Variants in AFF2 observed in about 807,000 individuals in gnomAD.
AFF2 encodes ALF transcription elongation factor 2.
A neutral mutation model predicts 76.9 loss-of-function variants in AFF2; 14 were observed. The observed-to-expected ratio is 0.18, with a 90% CI of 0.12 to 0.28. The LOEUF is 0.28. Ranked by LOEUF, AFF2 falls within the 10% of genes least tolerant of loss-of-function variation. The probability of loss-of-function intolerance (pLI) is 1.00; values close to 1 mark genes in which losing one functional copy is unlikely to be tolerated. For synonymous variants in AFF2, 398 were observed against 366.7 expected (o/e 1.09, Z -0.98); for missense variants, 868 against 1,001.1 (o/e 0.87, Z 1.79).
rs1557293573 is a variant in AFF2 at position 148,997,843 on chromosome X, T to C, written c.*6511T>C. On this transcript the variant is annotated 3_prime_UTR_variant, in exon 21 of 21. Transcript: ENST00000370460. The stretch of plus-strand genomic sequence containing the variant: ...ATTCAAAACCATCCTCACTAATCAA[T>C]CATATTCACCCATAAATATTACAAA... 1 of 112,222 alleles carries C rather than the reference T, an allele frequency of 8.9e-6. No homozygotes were observed. Among genetic ancestry groups the C allele is most frequent in the Non-Finnish European group, 1.9e-5 (1 of 53,252 alleles). The allele number at this position is 112,222 out of a possible 1,213,427, so 9.2% of individuals were successfully genotyped here. A position where few individuals can be genotyped will look rare whatever the true frequency, so the allele number is the denominator to read the frequency against.
At chrX:148,681,850 G>T (rs2054554786) in intron 3 of AFF2, among the ~76,000 whole-genome samples, 1 of 110,910 alleles carries the variant, frequency 9.0e-6, no homozygotes, top group Admixed American at 9.6e-5. Flanking sequence ...CCATCTTCAT[G>T]TATTTCCCCA....
At chrX:148,956,879 T>A (rs1394352180) in intron 11 of AFF2, among the ~76,000 whole-genome samples, 1 of 113,112 alleles carries the variant, frequency 8.8e-6, no homozygotes, top group Non-Finnish European at 1.9e-5. Flanking sequence ...GAAAGTCTCC[T>A]TACTTAGGCA....
chrX:148,849,663 C>T (rs1557275135), intron 7 of AFF2, among the ~76,000 whole-genome samples: 1 of 111,315 alleles, frequency 9.0e-6, no homozygotes. Flanking sequence ...AGGCACTTCC[C>T]ATGCACTTTT....
At chrX:148,510,850 G>A (rs2052474962) in intron 1 of AFF2, among the ~76,000 whole-genome samples, 1 of 111,789 alleles carries the variant, frequency 8.9e-6, no homozygotes, top group Non-Finnish European at 1.9e-5. Flanking sequence ...ATAGGTAGAT[G>A]GAATGATAGA....
chrX:148,854,469 G>C (rs1272386706), intron 7 of AFF2, among the ~76,000 whole-genome samples: 1 of 111,379 alleles, frequency 9.0e-6, no homozygotes, highest in Non-Finnish European at 1.9e-5. Flanking sequence ...AAGATGTAAC[G>C]ATACTAAGAG....
chrX:148,718,744 C>A (rs2055056029), intron 3 of AFF2, among the ~76,000 whole-genome samples: 1 of 110,681 alleles, frequency 9.0e-6, no homozygotes, highest in Non-Finnish European at 1.9e-5. Flanking sequence ...TCTCTGAGCC[C>A]CTTGAGAAAA....
At chrX:148,760,332 G>GT (rs1261169904) in intron 3 of AFF2, among the ~76,000 whole-genome samples, 1 of 112,015 alleles carries the variant, frequency 8.9e-6, no homozygotes, top group Non-Finnish European at 1.9e-5. Flanking sequence ...AAGCCAGACT[G>GT]GAGTTTTCTA....
intron 7 of AFF2, among the ~76,000 whole-genome samples, chrX:148,884,869 A>G: frequency 8.9e-6 from 1 of 111,928 alleles, no homozygotes; most frequent in African/African-American, 3.2e-5. Flanking sequence ...ACAAAGGATA[A>G]ATAGGATTTC....
At chrX:148,572,306 T>G (rs2053238565) in intron 1 of AFF2, among the ~76,000 whole-genome samples, 1 of 112,083 alleles carries the variant, frequency 8.9e-6, no homozygotes, top group East Asian at 2.8e-4. Flanking sequence ...CTTGTGGAAA[T>G]GTATTAAATA....
intron 1 of AFF2, among the ~76,000 whole-genome samples, chrX:148,600,991 T>A (rs1344968504): frequency 8.9e-6 from 1 of 111,903 alleles, no homozygotes; most frequent in Non-Finnish European, 1.9e-5. Context: ...AGTTGGAGAG[T>A]GGCATGAAAT....
At chrX:148,722,473 A>C (rs2055106475) in intron 3 of AFF2, among the ~76,000 whole-genome samples, 1 of 109,107 alleles carries the variant, frequency 9.2e-6, no homozygotes, top group African/African-American at 3.3e-5. Context: ...GTAATTTCCT[A>C]CCTCTTCTCA....
chrX:148,822,761 T>C lies in AFF2; in HGVS notation c.1086+12841T>C, dbSNP rs145317839. 3.2e-3 allele frequency among the ~76,000 whole-genome samples: 351 copies of C among 108,187 alleles called. 3 individuals are homozygous for C. The highest frequency in any genetic ancestry group is 0.011 in the African/African-American group (330 of 29,538). The allele number at this position is 108,187 out of a possible 115,157, so 93.9% of individuals were successfully genotyped here. ...TGTGGCTGATAGCCTGTAAGTTGCT[T>C]CCATTAAACACTCCATTCCCCAAAG... On this transcript the variant is annotated intron_variant, in intron 4 of 20. Coordinates refer to ENST00000370460, the MANE Select transcript of AFF2 (RefSeq NM_002025.4).
At chrX:148,733,507 C>T (rs782531621) in intron 3 of AFF2, among the ~76,000 whole-genome samples, 33 of 110,803 alleles carry the variant, frequency 3.0e-4, no homozygotes, top group South Asian at 1.9e-3. Context: ...GTTGGAACTC[C>T]GTAGGCTTGC....
At position 148,618,882 on chromosome X, in the gene AFF2, C is replaced by T. The variant is rs1471100273; in HGVS notation, c.48-33117C>T. On this transcript the variant is annotated intron_variant, in intron 1 of 20. Transcript: ENST00000370460. ...TTGGTACTGAAAGAGTATTATGTTG[C>T]ACCTTTTGTCTTGCTCATGACCCTA... Among the ~76,000 whole-genome samples the T allele has an allele frequency of 5.4e-5, 6 of 110,792 alleles. No homozygotes were observed. The South Asian group carries it at 1.1e-3, about 21-fold the overall frequency.
Position 148,978,409 on chromosome X carries a change from A to G in AFF2, c.3524A>G (p.Lys1175Arg). ...LLYLRMFKLK[K>R]DHAMKYSRSL... ...TATTTGAGAATGTTTAAGCTGAAGA[A>G]GGACCATGCTATGAAGTACTCCAGA... The change falls in exon 18 of 21, where the codon AAG becomes AGG. Residue 1175 changes from lysine (K) to arginine (R), a missense_variant. Around this residue, in one of 6 missense-constraint regions of AFF2, gnomAD observed 57 missense variants for 117.8 expected, o/e 0.48. Coordinates refer to ENST00000370460, the MANE Select transcript of AFF2 (RefSeq NM_002025.4). The G allele has an allele frequency of 8.3e-7, 1 of 1,205,236 alleles. No homozygotes were observed. The highest frequency in any genetic ancestry group is 1.8e-5 in the South Asian group (1 of 56,853).
At position 148,696,683 on chromosome X, in the gene AFF2, T is replaced by C. The variant is rs190869473; in HGVS notation, c.1041+33915T>C. Reference sequence around the variant, plus strand: ...CTTTACTTTCCTATTTAAAGGATATTTGTGTCACATGTCAGTGTTGTGTTT... The same window carrying C: ...CTTTACTTTCCTATTTAAAGGATATCTGTGTCACATGTCAGTGTTGTGTTT... On this transcript the variant is annotated intron_variant, in intron 3 of 20. Transcript: ENST00000370460. Among the ~76,000 whole-genome samples, 338 of 111,856 alleles carry C rather than the reference T, an allele frequency of 3.0e-3. 2 individuals carry two copies. Among genetic ancestry groups the C allele is most frequent in the African/African-American group, 0.01 (323 of 30,838 alleles).
At chrX:148,804,253 T>C (rs2070098204) in intron 3 of AFF2, among the ~76,000 whole-genome samples, 1 of 111,781 alleles carries the variant, frequency 8.9e-6, no homozygotes, top group African/African-American at 3.3e-5. Flanking sequence ...CTCAAACAAG[T>C]TCGAGTGGCT....
chrX:148,732,979 A>C (rs782374767), intron 3 of AFF2, among the ~76,000 whole-genome samples: 3 of 111,375 alleles, frequency 2.7e-5, no homozygotes, highest in Non-Finnish European at 5.6e-5. Flanking sequence ...ACCAGCTTCA[A>C]AATGATTTGA....
intron 1 of AFF2, among the ~76,000 whole-genome samples, chrX:148,598,841 A>G (rs893871840): frequency 8.9e-6 from 1 of 112,481 alleles, no homozygotes; most frequent in South Asian, 3.6e-4. Context: ...TTAATCAACT[A>G]AACTTCCCAT....
Sources: allele counts gnomAD v4.1 joint callset (sites outside exome capture counted in the v4.1 genomes callset), GRCh38; gene constraint gnomAD v4.1.1; regional missense constraint gnomAD v4.1.1; transcripts MANE v1.5; gene names NCBI Gene and HGNC (gene_info 2026-07-23, HGNC 2026-07-21).